Variants in AK8 observed in about 807,000 individuals in gnomAD.
AK8 encodes adenylate kinase 8.
A neutral mutation model predicts 54.6 loss-of-function variants in AK8; 44 were observed. That is an observed-to-expected ratio of 0.81 (90% CI 0.63 to 1.04). The LOEUF (loss-of-function observed/expected upper bound fraction) is 1.04, where lower values mean the gene tolerates loss of function less well. Among genes scored for constraint, AK8 ranks in the 50% least tolerant of loss-of-function variants. AK8 has a pLI of 0.00. For missense variants in AK8, 555 were observed against 613.6 expected (o/e 0.90, Z 1.01); for synonymous variants, 239 against 245.6 (o/e 0.97, Z 0.25).
chr9:132,811,869 T>G (rs1371704239), intron 10 of AK8, among the ~76,000 whole-genome samples: 1 of 152,218 alleles, frequency 6.6e-6, no homozygotes, highest in African/African-American at 2.4e-5. Flanking sequence ...TATTTATTTT[T>G]GTAATTTTAT....
At position 132,761,270 on chromosome 9, in the gene AK8, T is replaced by C. The variant is rs1173392614; in HGVS notation, c.1121+31364A>G. On this transcript the variant is annotated intron_variant, in intron 11 of 12. Transcript: ENST00000298545. ...TTCTTTTTTCTTTTCTTTTCTTTTC[T>C]TTTTTTTTTTTTTTGAGACAGGGTC... is the stretch of plus-strand genomic sequence containing the variant. 2.2e-5 allele frequency among the ~76,000 whole-genome samples: 3 copies of C among 137,364 alleles called. No homozygotes were observed. In the South Asian group the frequency reaches 7.0e-4, roughly 32 times the overall value. 90.1% of individuals were successfully genotyped at this position (137,364 alleles called of 152,430 possible).
At chr9:132,815,552 CA>C (rs1029887628) in intron 9 of AK8, among the ~76,000 whole-genome samples, 1,819 of 138,602 alleles carry the variant, frequency 0.013, 38 homozygotes, top group African/African-American at 0.044. Flanking sequence ...GACTCCGTTT[CA>C]AAAAAAAAAA....
chr9:132,831,402 A>G (rs1208910626), intron 5 of AK8, among the ~76,000 whole-genome samples: 2 of 152,180 alleles, frequency 1.3e-5, no homozygotes, highest in Non-Finnish European at 2.9e-5. Context: ...ACAATAAACA[A>G]TTTCTAAAGT....
chr9:132,792,719 T>C lies in AK8; in HGVS notation c.1036A>G (p.Ile346Val), dbSNP rs1012477442. Residue 346 changes from isoleucine (I) to valine (V), a missense_variant, in exon 11 of 13, where the codon ATC becomes GTC. Physicochemically the swap from Ile to Val is conservative, Grantham distance 29. Coordinates refer to ENST00000298545, the MANE Select transcript of AK8 (RefSeq NM_152572.3). The stretch of plus-strand genomic sequence containing the variant: ...CCGTGTAGCACCCAGCCTTTCTGGA[T>C]GCAGTCCTGCTGGTCCAGGCGCTGG... ...LSQRLDQQDC[I>V]QKGWVLHGVP... 3.9e-6 allele frequency: 6 copies of C among 1,557,612 alleles called. No homozygotes were observed. Among genetic ancestry groups the C allele is most frequent in the Non-Finnish European group, 5.2e-6 (6 of 1,151,064 alleles).
intron 3 of AK8, among the ~76,000 whole-genome samples, chr9:132,864,340 CCCTT>C (rs1843506159): frequency 6.6e-6 from 1 of 152,184 alleles, no homozygotes; most frequent in Non-Finnish European, 1.5e-5. Context: ...GTTCTGAAGG[CCCTT>C]CCAGGGCCTG....
chr9:132,865,500 G>T (rs1298484002), intron 3 of AK8, among the ~76,000 whole-genome samples: 1 of 152,198 alleles, frequency 6.6e-6, no homozygotes, highest in African/African-American at 2.4e-5. Context: ...TTGGATGAAT[G>T]AAATTTTAAC....
At chr9:132,737,876 A>G (rs1013505880) in intron 11 of AK8, among the ~76,000 whole-genome samples, 31 of 152,238 alleles carry the variant, frequency 2.0e-4, no homozygotes, top group Admixed American at 1.6e-3. Context: ...GGATTGTACA[A>G]TAAGACCAGA....
intron 2 of AK8, 67 bp downstream of exon 2, chr9:132,875,048 G>A: frequency 6.3e-7 from 1 of 1,594,296 alleles, no homozygotes; most frequent in Non-Finnish European, 8.6e-7. Context: ...GAGGAGTCAG[G>A]GAAGAAGGGG....
intron 10 of AK8, among the ~76,000 whole-genome samples, chr9:132,806,138 A>T (rs1156620585): frequency 1.3e-5 from 2 of 151,666 alleles, no homozygotes; most frequent in Non-Finnish European, 2.9e-5. Context: ...AGAAAAATGA[A>T]AGAAAAATGT....
At chr9:132,726,606 T>C (rs1443362507) in intron 12 of AK8, among the ~76,000 whole-genome samples, 2 of 152,206 alleles carry the variant, frequency 1.3e-5, no homozygotes, top group African/African-American at 4.8e-5. Context: ...AATGTTTATC[T>C]GCACTGAGTC....
At chr9:132,801,688 G>T (rs1255925890) in intron 10 of AK8, among the ~76,000 whole-genome samples, 2 of 152,216 alleles carry the variant, frequency 1.3e-5, no homozygotes, top group African/African-American at 2.4e-5. Flanking sequence ...GGAGGGAAAA[G>T]ATATGATAGT....
intron 10 of AK8, among the ~76,000 whole-genome samples, chr9:132,808,764 A>G (rs983361274): frequency 6.6e-6 from 1 of 152,206 alleles, no homozygotes; most frequent in African/African-American, 2.4e-5. Flanking sequence ...CGCAGCTCCA[A>G]GGTGAGTGGA....
rs555629348 is a variant in AK8, at chr9:132,757,445, G to A, written c.1122-29911C>T. On this transcript the variant is annotated intron_variant, in intron 11 of 12. Coordinates refer to ENST00000298545, the MANE Select transcript of AK8 (RefSeq NM_152572.3). ...CCCACTCTCTTATAGAACAATCCGG[G>A]CTATGCCTGGGGGCCTACTGGTTAA... Among the ~76,000 whole-genome samples the A allele has an allele frequency of 3.9e-5, 6 of 152,344 alleles. No individual in the cohort carries two copies. In the South Asian group the frequency reaches 1.2e-3, roughly 32 times the overall value.
At chr9:132,878,341 G>A (rs1844250648), upstream of AK8, 1 of 1,277,170 alleles carries the variant, frequency 7.8e-7, no homozygotes, top group Non-Finnish European at 9.9e-7. This position sits in a 1 kb window ranked among gnomAD's most constrained non-coding sequence, Gnocchi z 4.7. Context: ...CCGCGGCCCC[G>A]CCCTGCAGGC....
At chr9:132,848,736 C>T (rs1291229467) in intron 5 of AK8, among the ~76,000 whole-genome samples, 2 of 152,046 alleles carry the variant, frequency 1.3e-5, no homozygotes, top group African/African-American at 2.4e-5. Flanking sequence ...AGGAAGGTCT[C>T]GGGTGTGGGG....
intron 5 of AK8, among the ~76,000 whole-genome samples, chr9:132,850,954 C>T (rs1842950939): frequency 6.6e-6 from 1 of 151,502 alleles, no homozygotes; most frequent in South Asian, 2.1e-4. Context: ...AAATGTGCGC[C>T]ACCCGCCTTG....
chr9:132,775,973 A>G (rs1182177444), intron 11 of AK8, among the ~76,000 whole-genome samples: 1 of 152,214 alleles, frequency 6.6e-6, no homozygotes, highest in Non-Finnish European at 1.5e-5. Flanking sequence ...TCTCAAACAC[A>G]GACAACACAC....
rs546262270 is a variant in AK8 at position 132,845,290 on chromosome 9, T to C, written c.402+9567A>G. 2.9e-4 allele frequency among the ~76,000 whole-genome samples: 44 copies of C among 152,352 alleles called. No homozygotes were observed. The South Asian group carries it at 4.1e-3, about 14-fold the overall frequency. On this transcript the variant is annotated intron_variant, in intron 5 of 12. Coordinates refer to ENST00000298545, the MANE Select transcript of AK8 (RefSeq NM_152572.3). ...ATTTATAATACAATGTAATCACATA[T>C]AGTGTAATGTAACTAATAACGATGT...
rs1836519524 is a variant in AK8, at chr9:132,725,629, G to A, written c.*59C>T. 2 of 1,449,694 alleles carry A rather than the reference G, an allele frequency of 1.4e-6. No individual in the cohort carries two copies. The highest frequency in any genetic ancestry group is 1.9e-6 in the Non-Finnish European group (2 of 1,060,482). The allele number at this position is 1,449,694 out of a possible 1,614,324, so 89.8% of individuals were successfully genotyped here. A position where few individuals can be genotyped will look rare whatever the true frequency, so the allele number is the denominator to read the frequency against. On this transcript the variant is annotated 3_prime_UTR_variant, in exon 13 of 13. Transcript: ENST00000298545. ...TTTAGGGGAGCTGTGCCGAGGCTGG[G>A]GGGCTGGGGGCAGGGGATTAACTCT...
Sources: gnomAD v4.1 joint callset for allele counts (sites outside exome capture counted in the v4.1 genomes callset) on GRCh38, gnomAD v4.1.1 for gene constraint, Gnocchi (gnomAD v3.1) non-coding constraint, MANE v1.5 for transcripts, NCBI Gene and HGNC (gene_info 2026-07-23, HGNC 2026-07-21) for gene names.